OGFOD3: variants seen among roughly 807,000 people sequenced by gnomAD.
OGFOD3 encodes 2-oxoglutarate and iron dependent oxygenase domain containing 3.
In OGFOD3, 35 loss-of-function variants were observed where a neutral mutation model predicts 39.8. The observed-to-expected ratio is 0.88, with a 90% CI of 0.67 to 1.17. The LOEUF (loss-of-function observed/expected upper bound fraction) is 1.17, where lower values mean the gene tolerates loss of function less well. Ranked by LOEUF, OGFOD3 falls within the 50% of genes most tolerant of loss-of-function variation. The pLI is 0.00. For missense variants in OGFOD3, 438 were observed against 454.5 expected (o/e 0.96, Z 0.33); for synonymous variants, 200 against 192.0 (o/e 1.04, Z -0.34).
intron 2 of OGFOD3, among the ~76,000 whole-genome samples, chr17:82,411,978 G>A (rs1369644981): frequency 2.1e-5 from 3 of 142,334 alleles, no homozygotes; most frequent in Admixed American, 2.1e-4. Flanking sequence ...ACCAGAGGGG[G>A]GAACCCTCCT....
At chr17:82,408,707 T>A (rs936113594) in intron 4 of OGFOD3, among the ~76,000 whole-genome samples, 5 of 151,940 alleles carry the variant, frequency 3.3e-5, no homozygotes, top group Non-Finnish European at 1.5e-5. Flanking sequence ...CCCTCTCAAA[T>A]CTCCCCCTGC....
In OGFOD3 at chr17:82,404,872, C is replaced by T. The variant is rs561340623; in HGVS notation, c.545+452G>A. Among the ~76,000 whole-genome samples the T allele has an allele frequency of 1.8e-3, 266 of 151,804 alleles. 2 individuals are homozygous for T. The highest frequency in any genetic ancestry group is 6.1e-3 in the African/African-American group (254 of 41,360). ...TGTCCTGCCTCAGCCTCCGGGGTAG[C>T]TGGGATTACAGGCACCCGCCACCGC... On this transcript the variant is annotated intron_variant, in intron 6 of 8. Transcript: ENST00000313056. The surrounding 1 kb of genome is among the most constrained non-coding windows in gnomAD (Gnocchi z 4.5).
intron 2 of OGFOD3, among the ~76,000 whole-genome samples, chr17:82,413,468 C>T (rs567559372): frequency 1.3e-5 from 2 of 152,212 alleles, no homozygotes; most frequent in Admixed American, 6.5e-5. Flanking sequence ...TGCACACGAG[C>T]GTGGGTCAGG....
rs768577705 is a variant in OGFOD3, at chr17:82,398,203, C to G, written c.816G>C (p.Pro272=). 2 of 1,613,900 alleles carry G rather than the reference C, an allele frequency of 1.2e-6. No individual in the cohort carries two copies. Among genetic ancestry groups the G allele is most frequent in the African/African-American group, 1.3e-5 (1 of 74,880 alleles). ...MEEGANKTVE[P]RAGRVSFFTS... ...CCCGCCCGCGCCTCCTACCAGCTCTCGGCTCCACCGTCTTGTTGGCACCCT... is the reference window on the plus strand; with the variant it reads ...CCCGCCCGCGCCTCCTACCAGCTCTGGGCTCCACCGTCTTGTTGGCACCCT... Residue 272 remains proline, a synonymous_variant, in exon 8 of 9, where the codon CCG becomes CCC. Transcript: ENST00000313056.
rs954526241 is a variant in OGFOD3, at chr17:82,389,679, G to T, written c.*2719C>A. 10 of 152,000 alleles carry T rather than the reference G, an allele frequency of 6.6e-5. No homozygotes were observed. The highest frequency in any genetic ancestry group is 2.4e-4 in the African/African-American group (10 of 41,406). The allele number at this position is 152,000 out of a possible 1,614,324, so 9.4% of individuals were successfully genotyped here. A position where few individuals can be genotyped will look rare whatever the true frequency, so the allele number is the denominator to read the frequency against. Reference sequence around the variant, plus strand: ...CCACGCCCAGCTACATTTTTTAAAAGTTTCTTGTACAGACAGCGTCTCACT... The same window carrying T: ...CCACGCCCAGCTACATTTTTTAAAATTTTCTTGTACAGACAGCGTCTCACT... On this transcript the variant is annotated 3_prime_UTR_variant, in exon 9 of 9. Coordinates refer to ENST00000313056, the MANE Select transcript of OGFOD3 (RefSeq NM_024648.3). This position sits in a 1 kb window ranked among gnomAD's most constrained non-coding sequence, Gnocchi z 4.6.
chr17:82,407,441 G>A (rs2052873208), intron 4 of OGFOD3, among the ~76,000 whole-genome samples: 1 of 152,204 alleles, frequency 6.6e-6, no homozygotes, highest in South Asian at 2.1e-4. Flanking sequence ...CCTCACAGCG[G>A]TGCTCCCACC....
At chr17:82,408,635 G>A (rs1023454186) in intron 4 of OGFOD3, among the ~76,000 whole-genome samples, 8 of 151,990 alleles carry the variant, frequency 5.3e-5, no homozygotes, top group Admixed American at 2.0e-4. Context: ...GGTCCTGCCC[G>A]CCTCTTCCAT....
At chr17:82,400,140 C>G (rs1168570724) in intron 7 of OGFOD3, among the ~76,000 whole-genome samples, 1 of 152,198 alleles carries the variant, frequency 6.6e-6, no homozygotes, top group Non-Finnish European at 1.5e-5. Flanking sequence ...CAATATCCAC[C>G]TCACATAATC....
rs1443985054 is a variant in OGFOD3, at chr17:82,404,655, T to C, written c.546-565A>G. On this transcript the variant is annotated intron_variant, in intron 6 of 8. Transcript: ENST00000313056. This position sits in a 1 kb window ranked among gnomAD's most constrained non-coding sequence, Gnocchi z 4.5. Reference sequence around the variant, plus strand: ...TGGGGGGCTCGAGGGGGGTCACTCATGTGTCCTGGGATGGTTGCGTGACTC... The same window carrying C: ...TGGGGGGCTCGAGGGGGGTCACTCACGTGTCCTGGGATGGTTGCGTGACTC... Among the ~76,000 whole-genome samples the C allele has an allele frequency of 6.6e-6, 1 of 151,782 alleles. No individual in the cohort carries two copies. Among genetic ancestry groups the C allele is most frequent in the African/African-American group, 2.4e-5 (1 of 41,278 alleles).
rs1174668699 is a variant in OGFOD3, at chr17:82,404,515, T to G, written c.546-425A>C. 6.6e-6 allele frequency among the ~76,000 whole-genome samples: 1 copy of G among 151,900 alleles called. No individual in the cohort carries two copies. The highest frequency in any genetic ancestry group is 1.5e-5 in the Non-Finnish European group (1 of 67,964). On this transcript the variant is annotated intron_variant, in intron 6 of 8. Transcript: ENST00000313056. This position sits in a 1 kb window ranked among gnomAD's most constrained non-coding sequence, Gnocchi z 4.5. ...GGGAGAGGGGAGTGGGTGTCGAGCC[T>G]GCTAAGTGTGGATGGGGTGTCTGTA...
chr17:82,402,392 A>C (rs2052780869), intron 7 of OGFOD3, among the ~76,000 whole-genome samples: 3 of 151,542 alleles, frequency 2.0e-5, no homozygotes, highest in Admixed American at 2.0e-4. Flanking sequence ...CCAAGATCAC[A>C]CAACTGCACT....
In OGFOD3 at chr17:82,415,452, T is replaced by G; in HGVS notation, c.250A>C (p.Arg84=). Residue 84 remains arginine, a synonymous_variant, in exon 2 of 9, where the codon AGA becomes CGA. Coordinates refer to ENST00000313056, the MANE Select transcript of OGFOD3 (RefSeq NM_024648.3). The surrounding 1 kb of genome is among the most constrained non-coding windows in gnomAD (Gnocchi z 5.3). ...LARRGEVVAG[R]FIEVPCSEDY... ...TCAGAGCAGGGCACCTCGATGAATCTCCCTGCCACGACCTCGCCACGGCGG... is the reference window on the plus strand; with the variant it reads ...TCAGAGCAGGGCACCTCGATGAATCGCCCTGCCACGACCTCGCCACGGCGG... The G allele has an allele frequency of 6.2e-7, 1 of 1,613,758 alleles. No individual in the cohort carries two copies. Among genetic ancestry groups the G allele is most frequent in the Non-Finnish European group, 8.5e-7 (1 of 1,179,948 alleles).
chr17:82,406,336 G>A lies in OGFOD3; in HGVS notation c.488+82C>T. The A allele has an allele frequency of 7.8e-7, 1 of 1,279,632 alleles. No homozygotes were observed. The highest frequency in any genetic ancestry group is 2.3e-5 in the East Asian group (1 of 43,090). The allele number at this position is 1,279,632 out of a possible 1,614,324, so 79.3% of individuals were successfully genotyped here. A position where few individuals can be genotyped will look rare whatever the true frequency, so the allele number is the denominator to read the frequency against. ...CGGATCCTCCCTCACATGTCCACGT[G>A]TCCACATGTCCATGGCTAAGAGGCA... On this transcript the variant is annotated intron_variant, in intron 5 of 8. Coordinates refer to ENST00000313056, the MANE Select transcript of OGFOD3 (RefSeq NM_024648.3). This position sits in a 1 kb window ranked among gnomAD's most constrained non-coding sequence, Gnocchi z 5.2.
At chr17:82,416,639 G>A (rs1209856466) in intron 1 of OGFOD3, among the ~76,000 whole-genome samples, 3 of 151,748 alleles carry the variant, frequency 2.0e-5, no homozygotes, top group Non-Finnish European at 2.9e-5. Context: ...AGGCATATTA[G>A]GACAATATTT....
At position 82,404,198 on chromosome 17, in the gene OGFOD3, C is replaced by A; in HGVS notation, c.546-108G>T. On this transcript the variant is annotated intron_variant, in intron 6 of 8. Coordinates refer to ENST00000313056, the MANE Select transcript of OGFOD3 (RefSeq NM_024648.3). The surrounding 1 kb of genome is among the most constrained non-coding windows in gnomAD (Gnocchi z 4.5). ...GAACCAGCCTTCGTACGGCTCCGGGCCCGCGGGGCGGGGGCTCCCAAGCAC... is the reference window on the plus strand; with the variant it reads ...GAACCAGCCTTCGTACGGCTCCGGGACCGCGGGGCGGGGGCTCCCAAGCAC... 4 of 1,303,664 alleles carry A rather than the reference C, an allele frequency of 3.1e-6. No homozygotes were observed. The highest frequency in any genetic ancestry group is 4.1e-6 in the Non-Finnish European group (4 of 977,374). The allele number at this position is 1,303,664 out of a possible 1,614,324, so 80.8% of individuals were successfully genotyped here.
chr17:82,411,080 T>G (rs1218580453), intron 3 of OGFOD3, among the ~76,000 whole-genome samples: 7 of 149,658 alleles, frequency 4.7e-5, no homozygotes, highest in African/African-American at 1.5e-4. Context: ...AGAATCTCGC[T>G]CTGTCGCCCA....
rs1282362261 is a variant in OGFOD3 at position 82,406,968 on chromosome 17, A to G, written c.424-486T>C. 6.6e-6 allele frequency among the ~76,000 whole-genome samples: 1 copy of G among 152,182 alleles called. No homozygotes were observed. The highest frequency in any genetic ancestry group is 1.5e-5 in the Non-Finnish European group (1 of 68,028). On this transcript the variant is annotated intron_variant, in intron 4 of 8. Coordinates refer to ENST00000313056, the MANE Select transcript of OGFOD3 (RefSeq NM_024648.3). This position sits in a 1 kb window ranked among gnomAD's most constrained non-coding sequence, Gnocchi z 5.2. The stretch of plus-strand genomic sequence containing the variant: ...CGTGGTGGCTCACACCTGCAATCCC[A>G]GCACTTTGGGAGGCTGAGACAGGTG...
intron 8 of OGFOD3, chr17:82,393,732 C>T (rs2052628163): frequency 1.3e-5 from 2 of 152,232 alleles, no homozygotes; most frequent in Non-Finnish European, 2.9e-5. Context: ...GGACCTCAGT[C>T]GCCCATGCTC....
At chr17:82,403,769 C>G (rs538952585) in intron 7 of OGFOD3, 168 bp downstream of exon 7, 24 of 881,446 alleles carry the variant, frequency 2.7e-5, no homozygotes, top group Middle Eastern at 3.3e-4. Flanking sequence ...GCGCGCTCAC[C>G]CTGCCCACGT....
Sources: gnomAD v4.1 joint callset for allele counts (sites outside exome capture counted in the v4.1 genomes callset) on GRCh38, gnomAD v4.1.1 for gene constraint, Gnocchi (gnomAD v3.1) non-coding constraint, MANE v1.5 for transcripts, NCBI Gene and HGNC (gene_info 2026-07-23, HGNC 2026-07-21) for gene names.